PHF14: variants seen among roughly 807,000 people sequenced by gnomAD.
PHF14 encodes the protein PHD finger protein 14.
Under a neutral mutation model 117.9 loss-of-function variants are expected in PHF14, and 55 were observed. The observed-to-expected ratio is 0.47, with a 90% CI of 0.38 to 0.58. The LOEUF is 0.58. Among genes scored for constraint, PHF14 ranks in the 20% least tolerant of loss-of-function variants. The probability of loss-of-function intolerance (pLI) is 0.00; values close to 1 mark genes in which losing one functional copy is unlikely to be tolerated. For missense variants in PHF14, 978 were observed against 1,122.2 expected (o/e 0.87, Z 1.84); for synonymous variants, 409 against 368.6 (o/e 1.11, Z -1.26).
intron 17 of PHF14, among the ~76,000 whole-genome samples, chr7:11,148,745 A>G (rs1788625043): frequency 6.6e-6 from 1 of 152,238 alleles, no homozygotes; most frequent in African/African-American, 2.4e-5. Context: ...TATAAGTTTA[A>G]TTCTTAAAAT....
intron 5 of PHF14, among the ~76,000 whole-genome samples, chr7:11,017,004 T>A (rs1230734016): frequency 6.6e-6 from 1 of 152,198 alleles, no homozygotes; most frequent in Non-Finnish European, 1.5e-5. Context: ...ATGTGATGTT[T>A]GTCTTGCTGT....
chr7:10,991,288 C>G (rs1782439033), intron 4 of PHF14, among the ~76,000 whole-genome samples: 2 of 152,182 alleles, frequency 1.3e-5, no homozygotes, highest in Non-Finnish European at 2.9e-5. Flanking sequence ...TCAAACTATT[C>G]TGCCTCAGCC....
intron 16 of PHF14, among the ~76,000 whole-genome samples, chr7:11,078,286 A>AGT (rs1785945370): frequency 1.3e-5 from 2 of 152,136 alleles, no homozygotes; most frequent in Non-Finnish European, 2.9e-5. Context: ...TTTTCTGGGC[A>AGT]GTGATAGTGC....
At chr7:11,158,045 C>G (rs1169064769) in intron 17 of PHF14, among the ~76,000 whole-genome samples, 1 of 152,030 alleles carries the variant, frequency 6.6e-6, no homozygotes, top group African/African-American at 2.4e-5. Flanking sequence ...AGGTTAACAT[C>G]TTATATAAGC....
At chr7:11,123,193 G>T (rs1787825691) in intron 17 of PHF14, among the ~76,000 whole-genome samples, 1 of 152,052 alleles carries the variant, frequency 6.6e-6, no homozygotes, top group Admixed American at 6.6e-5. Context: ...GAAATCTTGG[G>T]ATTTAGGATT....
rs78846664 is a variant in PHF14 at position 10,974,662 on chromosome 7, C to A, written c.2-173C>A. On this transcript the variant is annotated intron_variant, in intron 1 of 17. Transcript: ENST00000634607. ...CTTTGAAACTGCCCGTGGAGCTGTC[C>A]AGCCCTCCCCACCCTGCTTCTGCAC... 2.8e-3 allele frequency among the ~76,000 whole-genome samples: 427 copies of A among 152,272 alleles called. 1 individual carries two copies. The highest frequency in any genetic ancestry group is 9.7e-3 in the African/African-American group (405 of 41,556).
chr7:11,143,766 C>T (rs1016260875), intron 17 of PHF14, among the ~76,000 whole-genome samples: 4 of 152,006 alleles, frequency 2.6e-5, no homozygotes, highest in African/African-American at 7.3e-5. Flanking sequence ...AACCTTTATC[C>T]TCTTGATGTT....
chr7:11,117,086 A>ATAAATAT (rs1562474070), intron 17 of PHF14, among the ~76,000 whole-genome samples: 1 of 151,988 alleles, frequency 6.6e-6, no homozygotes, highest in African/African-American at 2.4e-5. Context: ...ATGAACATGT[A>ATAAATAT]TAAATATTTC....
At chr7:11,116,136 A>G (rs1368285511) in intron 17 of PHF14, among the ~76,000 whole-genome samples, 4 of 151,994 alleles carry the variant, frequency 2.6e-5, no homozygotes, top group Non-Finnish European at 5.9e-5. Flanking sequence ...TTATTTTCAA[A>G]TTACTACAAA....
intron 17 of PHF14, among the ~76,000 whole-genome samples, chr7:11,135,053 C>G (rs572923062): frequency 1.3e-5 from 2 of 152,230 alleles, no homozygotes; most frequent in South Asian, 2.1e-4. Context: ...CTCATTGCAT[C>G]TGTTACAAAA....
chr7:11,106,906 G>A, intron 16 of PHF14: 1 of 983,434 alleles, frequency 1.0e-6, no homozygotes, highest in Non-Finnish European at 1.2e-6. Context: ...GGGGCTACAA[G>A]TAAAATGTTC....
At chr7:11,151,828 CT>C (rs1328639650) in intron 17 of PHF14, among the ~76,000 whole-genome samples, 1 of 152,068 alleles carries the variant, frequency 6.6e-6, no homozygotes, top group Non-Finnish European at 1.5e-5. Flanking sequence ...GAGAAAGCCA[CT>C]ATATGAGTGT....
At chr7:11,099,402 T>C (rs1251394951) in intron 16 of PHF14, among the ~76,000 whole-genome samples, 1 of 152,140 alleles carries the variant, frequency 6.6e-6, no homozygotes, top group Admixed American at 6.6e-5. Context: ...AATTTGTATT[T>C]AAAGAAAACA....
In PHF14 at chr7:11,000,633, C is replaced by T. The variant is rs1160346366; in HGVS notation, c.1045+9786C>T. 2.0e-5 allele frequency among the ~76,000 whole-genome samples: 3 copies of T among 152,266 alleles called. No individual in the cohort carries two copies. The South Asian group carries it at 6.2e-4, about 32-fold the overall frequency. ...GGATTACAGGCGTGAGCCACCACAC[C>T]CACCCTTATTTACCTTTTGTATATC... On this transcript the variant is annotated intron_variant, in intron 4 of 17. Transcript: ENST00000634607.
chr7:11,088,038 T>G (rs1034539707), intron 16 of PHF14, among the ~76,000 whole-genome samples: 17 of 152,180 alleles, frequency 1.1e-4, no homozygotes, highest in Non-Finnish European at 2.4e-4. Flanking sequence ...GTTATCATTA[T>G]TACAGTCATC....
chr7:11,123,482 C>A (rs903150161), intron 17 of PHF14, among the ~76,000 whole-genome samples: 4 of 152,010 alleles, frequency 2.6e-5, no homozygotes, highest in Admixed American at 6.6e-5. Flanking sequence ...TTTTGATAAA[C>A]TTTAAAGCTA....
intron 17 of PHF14, among the ~76,000 whole-genome samples, chr7:11,161,640 C>T (rs888428347): frequency 1.7e-5 from 2 of 117,390 alleles, no homozygotes; most frequent in South Asian, 4.7e-4. Context: ...TTATTTTTGC[C>T]TAAATATTTC....
At chr7:11,134,867 A>G (rs750629944) in intron 17 of PHF14, among the ~76,000 whole-genome samples, 1 of 152,154 alleles carries the variant, frequency 6.6e-6, no homozygotes, top group Non-Finnish European at 1.5e-5. Context: ...TCAGTAGAGC[A>G]ACATATAGAC....
At chr7:10,976,853 C>T (rs10464255) in intron 2 of PHF14, among the ~76,000 whole-genome samples, 21,683 of 147,702 alleles carry the variant, frequency 0.15, 1,858 homozygotes, top group East Asian at 0.23. Flanking sequence ...ATGCTGCACT[C>T]ATAATTTACC....
Sources: gnomAD v4.1 joint callset for allele counts (sites outside exome capture counted in the v4.1 genomes callset) on GRCh38, gnomAD v4.1.1 for gene constraint, MANE v1.5 for transcripts, NCBI Gene and HGNC (gene_info 2026-07-23, HGNC 2026-07-21) for gene names.